The following ACSF3 variants were observed in gnomAD, a reference collection of about 807,000 sequenced individuals.
The protein encoded by ACSF3 is acyl-CoA synthetase family member 3.
ACSF3 carries 78 observed loss-of-function variants against 53.2 expected under a neutral mutation model. The ratio of observed to expected loss-of-function variants is 1.47; its 90% CI spans 1.22 to 1.77. The LOEUF is 1.77. Ranked by LOEUF, ACSF3 falls within the 40% of genes most tolerant of loss-of-function variation. ACSF3 has a pLI of 0.00. For synonymous variants in ACSF3, 414 were observed against 333.1 expected (o/e 1.24, Z -2.65); for missense variants, 937 against 771.1 (o/e 1.22, Z -2.55).
chr16:89,155,203 C>T lies in ACSF3; in HGVS notation c.*996C>T. The T allele has an allele frequency of 2.2e-6, 1 of 454,148 alleles. No homozygotes were observed. Among genetic ancestry groups the T allele is most frequent in the South Asian group, 1.6e-5 (1 of 64,482 alleles). The allele number at this position is 454,148 out of a possible 1,614,324, so 28.1% of individuals were successfully genotyped here. The stretch of plus-strand genomic sequence containing the variant: ...GGACAATTTTCAGAAGAATAGGCTG[C>T]CTCCTCCCCACAGCCTGGGGGAAGT... On this transcript the variant is annotated 3_prime_UTR_variant, in exon 11 of 11. Transcript: ENST00000614302.
intron 7 of ACSF3, among the ~76,000 whole-genome samples, chr16:89,130,012 T>G (rs140973649): frequency 2.4e-4 from 36 of 152,338 alleles, no homozygotes; most frequent in African/African-American, 7.9e-4. Context: ...TCAGAGAACT[T>G]GAGAAGAAAG....
At chr16:89,141,138 G>A in intron 8 of ACSF3, 1 of 1,287,260 alleles carries the variant, frequency 7.8e-7, no homozygotes. Flanking sequence ...TCCTCCCGCG[G>A]GGTGTCCGAC....
In ACSF3 at chr16:89,100,854, C is replaced by T. The variant is rs1975212938; in HGVS notation, c.173C>T (p.Ala58Val). The change falls in exon 3 of 11, where the codon GCC (alanine) becomes GTC (valine). Residue 58 changes from alanine (A) to valine (V), a missense_variant. By Grantham distance (64) the Ala-to-Val change is moderately conservative. Transcript: ENST00000614302. ...TRALAFGDRI[A>V]LVDQHGRHTY... is the part of the protein sequence containing the mutation. ...GCCCTGGCCTTTGGGGACAGAATCG[C>T]CCTGGTTGACCAGCACGGCCGCCAC... is the stretch of plus-strand genomic sequence containing the variant. 5 of 1,613,582 alleles carry T rather than the reference C, an allele frequency of 3.1e-6. No homozygotes were observed. Among genetic ancestry groups the T allele is most frequent in the South Asian group, 2.2e-5 (2 of 91,088 alleles).
intron 10 of ACSF3, among the ~76,000 whole-genome samples, chr16:89,146,314 C>T (rs534650347): frequency 8.5e-5 from 13 of 152,280 alleles, no homozygotes; most frequent in Admixed American, 8.5e-4. Context: ...CCCTGTACGG[C>T]CTGTGGTGGG....
intron 4 of ACSF3, 145 bp from the exon 5 acceptor site, chr16:89,111,947 A>G: frequency 1.2e-6 from 1 of 816,768 alleles, no homozygotes; most frequent in Non-Finnish European, 2.1e-6. Flanking sequence ...GGAAGGGGTC[A>G]GAGTTTGAGG....
chr16:89,147,644 C>CGAGAACA (rs1913354403), intron 10 of ACSF3: 1 of 151,612 alleles, frequency 6.6e-6, no homozygotes, highest in Non-Finnish European at 1.5e-5. Flanking sequence ...CTCACTAGCA[C>CGAGAACA]GAGAACAGCA....
Position 89,112,263 on chromosome 16 carries a change from C to A in ACSF3, c.977+17C>A, listed in dbSNP as rs758553222. On this transcript the variant is annotated intron_variant, in intron 5 of 10. Transcript: ENST00000614302. ...AAAAATTAGGTAAGTGAAAAGAGCC[C>A]ACTTTCTCGTTCAGAAAGTCTTAAA... The A allele has an allele frequency of 6.2e-7, 1 of 1,613,726 alleles. No homozygotes were observed. The highest frequency in any genetic ancestry group is 1.3e-5 in the African/African-American group (1 of 75,036).
At chr16:89,100,379 T>G (rs1975130844) in intron 2 of ACSF3, among the ~76,000 whole-genome samples, 1 of 152,272 alleles carries the variant, frequency 6.6e-6, no homozygotes, top group African/African-American at 2.4e-5. Flanking sequence ...TATATGCTTC[T>G]CCTTGGTTTT....
rs532941690 is a variant in ACSF3 at position 89,154,775 on chromosome 16, G to C, written c.*568G>C. Reference sequence around the variant, plus strand: ...TTCCTGGTGCTGCTCTTGGAGGAGAGCAGCTCCCACTGTGGGGACACCTGC... The same window carrying C: ...TTCCTGGTGCTGCTCTTGGAGGAGACCAGCTCCCACTGTGGGGACACCTGC... On this transcript the variant is annotated 3_prime_UTR_variant, in exon 11 of 11. Transcript: ENST00000614302. The C allele has an allele frequency of 1.3e-5, 6 of 454,164 alleles. No homozygotes were observed. Among genetic ancestry groups the C allele is most frequent in the Admixed American group, 7.0e-5 (3 of 42,588 alleles). 28.1% of individuals were successfully genotyped at this position (454,164 alleles called of 1,614,324 possible). A position where few individuals can be genotyped will look rare whatever the true frequency, so the allele number is the denominator to read the frequency against.
intron 7 of ACSF3, among the ~76,000 whole-genome samples, chr16:89,132,491 C>A (rs1598037998): frequency 6.6e-6 from 1 of 152,298 alleles, no homozygotes; most frequent in Admixed American, 6.5e-5. Flanking sequence ...CCCGCCCTCT[C>A]CATGGTCACA....
At chr16:89,130,525 G>A (rs563845597) in intron 7 of ACSF3, among the ~76,000 whole-genome samples, 2 of 152,318 alleles carry the variant, frequency 1.3e-5, no homozygotes, top group Middle Eastern at 3.4e-3. Context: ...AGTAAGCCGA[G>A]ATCATGCCAT....
intron 7 of ACSF3, among the ~76,000 whole-genome samples, chr16:89,123,904 A>T (rs1907270616): frequency 6.6e-6 from 1 of 152,126 alleles, no homozygotes; most frequent in Non-Finnish European, 1.5e-5. Context: ...TATCACAGGT[A>T]CCACACACAC....
chr16:89,098,295 T>A (rs2151393570), intron 1 of ACSF3, among the ~76,000 whole-genome samples: 1 of 152,230 alleles, frequency 6.6e-6, no homozygotes, highest in East Asian at 1.9e-4. Flanking sequence ...CCACAGACAA[T>A]AACACAGTAG....
intron 8 of ACSF3, 29 bp from the exon 9 acceptor site, chr16:89,145,238 G>A: frequency 6.2e-7 from 1 of 1,614,174 alleles, no homozygotes; most frequent in Non-Finnish European, 8.5e-7. Flanking sequence ...TTTAAGGATG[G>A]CCAGTTAACC....
rs1396427346 is a variant in ACSF3 at position 89,154,903 on chromosome 16, C to T, written c.*696C>T. On this transcript the variant is annotated 3_prime_UTR_variant, in exon 11 of 11. Coordinates refer to ENST00000614302, the MANE Select transcript of ACSF3 (RefSeq NM_001243279.3). ...CGTGACCCTGCCTCACCCCCCAGCG[C>T]AGGGACTTTCCAGGTCATCTCCACA... 3 of 454,118 alleles carry T rather than the reference C, an allele frequency of 6.6e-6. No individual in the cohort carries two copies. Among genetic ancestry groups the T allele is most frequent in the Non-Finnish European group, 1.3e-5 (3 of 226,794 alleles). The allele number at this position is 454,118 out of a possible 1,614,324, so 28.1% of individuals were successfully genotyped here.
At chr16:89,113,123 A>C (rs934079144) in intron 5 of ACSF3, 2 of 152,248 alleles carry the variant, frequency 1.3e-5, no homozygotes, top group African/African-American at 2.4e-5. Flanking sequence ...CTTCACACGC[A>C]TCACAGGCCC....
chr16:89,114,767 T>C, intron 6 of ACSF3: 1 of 507,396 alleles, frequency 2.0e-6, no homozygotes. Context: ...CAGCAATGCC[T>C]GGAATGCAGG....
chr16:89,149,757 G>A (rs1304611215), intron 10 of ACSF3: 1 of 152,206 alleles, frequency 6.6e-6, no homozygotes, highest in Non-Finnish European at 1.5e-5. Context: ...GCAGGCTGTA[G>A]GTAGCACTGG....
At chr16:89,139,465 T>A (rs10852635) in intron 8 of ACSF3, among the ~76,000 whole-genome samples, 1 of 151,894 alleles carries the variant, frequency 6.6e-6, no homozygotes, top group African/African-American at 2.4e-5. Context: ...GCCTTGCTTG[T>A]CGGTTTGGCT....
Sources: gnomAD v4.1 joint callset for allele counts (sites outside exome capture counted in the v4.1 genomes callset) on GRCh38, gnomAD v4.1.1 for gene constraint, MANE v1.5 for transcripts, NCBI Gene and HGNC (gene_info 2026-07-23, HGNC 2026-07-21) for gene names.